Variants in MYLK2 observed in about 807,000 individuals in gnomAD.
MYLK2 encodes myosin light chain kinase 2, skeletal/cardiac muscle.
MYLK2 carries 27 observed loss-of-function variants against 58.2 expected under a neutral mutation model. The observed-to-expected ratio is 0.46, with a 90% CI of 0.34 to 0.64. The LOEUF (loss-of-function observed/expected upper bound fraction) is 0.64. MYLK2 is among the 30% of genes least tolerant of loss of function. MYLK2 has a pLI of 0.01. For missense variants in MYLK2, 676 were observed against 764.3 expected, an observed-to-expected ratio of 0.88 and a Z score of 1.36; for synonymous variants, 310 against 296.7, an observed-to-expected ratio of 1.04 and a Z score of -0.46.
At chr20:31,819,488 AG>A in intron 1 of MYLK2, 44 bp from the exon 2 acceptor site, 1 of 1,507,348 alleles carries the variant, frequency 6.6e-7, no homozygotes. Flanking sequence ...GCCAGACGAG[AG>A]GGGAAATTGG....
chr20:31,826,548 G>A, intron 6 of MYLK2, 57 bp from the exon 7 acceptor site: 1 of 1,610,156 alleles, frequency 6.2e-7, no homozygotes, highest in Non-Finnish European at 8.5e-7. Flanking sequence ...GGTATGGAGG[G>A]TGGGTGGCAG....
intron 5 of MYLK2, 199 bp from the exon 6 acceptor site, chr20:31,824,060 C>T: frequency 3.0e-6 from 3 of 985,418 alleles, no homozygotes; most frequent in Non-Finnish European, 3.6e-6. Context: ...TTCAAAGAAC[C>T]TGCTTCAGCC....
intron 8 of MYLK2, chr20:31,827,271 G>A (rs539532631): frequency 1.0e-6 from 1 of 985,396 alleles, no homozygotes; most frequent in African/African-American, 1.7e-5. Context: ...AATAAGTGTT[G>A]CAATAGCACC....
chr20:31,829,270 A>C (rs1423053615), intron 8 of MYLK2, among the ~76,000 whole-genome samples: 1 of 152,328 alleles, frequency 6.6e-6, no homozygotes, highest in East Asian at 1.9e-4. Context: ...TGTCAAAAAA[A>C]GTGTTTCACG....
intron 6 of MYLK2, among the ~76,000 whole-genome samples, chr20:31,826,281 C>A (rs2062279056): frequency 6.6e-6 from 1 of 152,070 alleles, no homozygotes; most frequent in African/African-American, 2.4e-5. Flanking sequence ...AAATTGATGA[C>A]TTTGGATAAA....
At chr20:31,828,846 G>C (rs1455400062) in intron 8 of MYLK2, among the ~76,000 whole-genome samples, 1 of 152,164 alleles carries the variant, frequency 6.6e-6, no homozygotes, top group African/African-American at 2.4e-5. Context: ...GTTTCAGTGG[G>C]GCCAGAGTGG....
intron 10 of MYLK2, 49 bp from the exon 11 acceptor site, chr20:31,831,654 C>T: frequency 6.2e-7 from 1 of 1,601,326 alleles, no homozygotes; most frequent in Non-Finnish European, 8.6e-7. Context: ...GAAGGTGACT[C>T]AGCACCTCCA....
At chr20:31,832,904 T>A (rs2062313846) in intron 12 of MYLK2, among the ~76,000 whole-genome samples, 1 of 152,148 alleles carries the variant, frequency 6.6e-6, no homozygotes, top group African/African-American at 2.4e-5. Context: ...TTATTTTTTT[T>A]AGAGACAGGG....
chr20:31,831,259 A>G (rs2062305122), intron 10 of MYLK2, 118 bp downstream of exon 10: 1 of 1,480,770 alleles, frequency 6.8e-7, no homozygotes, highest in Admixed American at 1.7e-5. Context: ...TCCCTCAGTC[A>G]GGGGTTTGCT....
In MYLK2 at chr20:31,832,140, C is replaced by T. The variant is rs1215237759; in HGVS notation, c.1710+4C>T. ...CCTCATGAAGAGGCGCTGGAAGGTA[C>T]CGCTGGATTCAGGGTGGGGAGGGAG... On this transcript the variant is annotated splice_donor_region_variant and intron_variant, in intron 12 of 12. Transcript: ENST00000375985. The T allele has an allele frequency of 1.2e-6, 2 of 1,608,692 alleles. No homozygotes were observed. Among genetic ancestry groups the T allele is most frequent in the Non-Finnish European group, 1.7e-6 (2 of 1,177,948 alleles).
At chr20:31,832,356 C>T (rs529422801) in intron 12 of MYLK2, among the ~76,000 whole-genome samples, 28 of 152,332 alleles carry the variant, frequency 1.8e-4, no homozygotes, top group African/African-American at 6.7e-4. Context: ...CCATCTGGGG[C>T]TCTGGCTTCC....
At chr20:31,832,975 C>T (rs1451715087) in intron 12 of MYLK2, among the ~76,000 whole-genome samples, 1 of 152,156 alleles carries the variant, frequency 6.6e-6, no homozygotes, top group Non-Finnish European at 1.5e-5. Flanking sequence ...GTAGTCTTGA[C>T]CTTCTGGGCT....
At chr20:31,832,505 T>C (rs1313130244) in intron 12 of MYLK2, among the ~76,000 whole-genome samples, 1 of 152,192 alleles carries the variant, frequency 6.6e-6, no homozygotes, top group Non-Finnish European at 1.5e-5. Flanking sequence ...TCTTTTTTTC[T>C]TTCTTTCAAT....
At chr20:31,819,456 C>A in intron 1 of MYLK2, 28 bp downstream of exon 1, 1 of 1,326,074 alleles carries the variant, frequency 7.5e-7, no homozygotes, top group Non-Finnish European at 1.1e-6. Flanking sequence ...GTTAGCAGGC[C>A]TCGGCTTCCT....
intron 12 of MYLK2, among the ~76,000 whole-genome samples, chr20:31,833,277 C>A (rs965393529): frequency 1.3e-5 from 2 of 151,964 alleles, no homozygotes; most frequent in African/African-American, 4.8e-5. Flanking sequence ...AAGAGTATTC[C>A]GGGCAGAGGG....
intron 6 of MYLK2, among the ~76,000 whole-genome samples, chr20:31,824,782 AGAG>A (rs1363624659): frequency 6.6e-6 from 1 of 152,216 alleles, no homozygotes; most frequent in African/African-American, 2.4e-5. Context: ...GGCTGGGTTC[AGAG>A]GAGGCCACGA....
In MYLK2 at chr20:31,826,808, G is replaced by T. The variant is rs779709086; in HGVS notation, c.1094G>T (p.Gly365Val). ...GTCTGTGCACACAGCATCGAGGGCG[G>T]AGAGCTCTTCGAGAGGATTGTGGAT... is the stretch of plus-strand genomic sequence containing the variant. ...IVLFMEYIEG[G>V]ELFERIVDED... Residue 365 changes from glycine to valine, a missense_variant, in exon 8 of 13, where the codon GGA becomes GTA. By Grantham distance (109) the Gly-to-Val change is moderately radical. Around this residue, in one of 2 missense-constraint regions of MYLK2, gnomAD observed 370 missense variants for 467.8 expected, o/e 0.79. Transcript: ENST00000375985. 6.2e-7 allele frequency: 1 copy of T among 1,614,152 alleles called. No individual in the cohort carries two copies. The highest frequency in any genetic ancestry group is 8.5e-7 in the Non-Finnish European group (1 of 1,180,026).
intron 3 of MYLK2, among the ~76,000 whole-genome samples, 178 bp downstream of exon 3, chr20:31,820,724 C>T (rs182900188): frequency 1.1e-3 from 167 of 152,294 alleles, no homozygotes; most frequent in Non-Finnish European, 1.9e-3. Context: ...CTGCAGAAAC[C>T]AGAACCCTGC....
Position 31,833,825 on chromosome 20 carries a change from C to T in MYLK2, c.*28C>T, listed in dbSNP as rs1238464045. The T allele has an allele frequency of 6.3e-7, 1 of 1,599,072 alleles. No homozygotes were observed. Among genetic ancestry groups the T allele is most frequent in the Non-Finnish European group, 8.5e-7 (1 of 1,170,564 alleles). ...CCTGGGCGCAGCTGAAGCCTGGACGCAGCCACACAGTGGCCGGGGCTGAAG... is the reference window on the plus strand; with the variant it reads ...CCTGGGCGCAGCTGAAGCCTGGACGTAGCCACACAGTGGCCGGGGCTGAAG... On this transcript the variant is annotated 3_prime_UTR_variant, in exon 13 of 13. Coordinates refer to ENST00000375985, the MANE Select transcript of MYLK2 (RefSeq NM_033118.4).
Sources: allele counts gnomAD v4.1 joint callset (sites outside exome capture counted in the v4.1 genomes callset), GRCh38; gene constraint gnomAD v4.1.1; regional missense constraint gnomAD v4.1.1; transcripts MANE v1.5; gene names NCBI Gene and HGNC (gene_info 2026-07-23, HGNC 2026-07-21).